Variants in FER1L6 observed in about 807,000 individuals in gnomAD.
The protein encoded by FER1L6 is fer-1-like protein 6.
In FER1L6, 177 loss-of-function variants were observed where a neutral mutation model predicts 219.2. That is an observed-to-expected ratio of 0.81 (90% CI 0.71 to 0.91). FER1L6 has a LOEUF of 0.91. FER1L6 is among the 40% of genes least tolerant of loss of function. The probability of loss-of-function intolerance (pLI) is 0.00; values close to 1 mark genes in which losing one functional copy is unlikely to be tolerated. For missense variants in FER1L6, 2,153 were observed against 2,259.9 expected, an observed-to-expected ratio of 0.95 and a Z score of 0.96; for synonymous variants, 768 against 824.3, an observed-to-expected ratio of 0.93 and a Z score of 1.17.
In FER1L6 at chr8:124,064,381, T is replaced by C. The variant is rs755295524; in HGVS notation, c.3363T>C (p.Ser1121=). ...ATTCGCTAACAGCCACTGAGTCCTC[T>C]GGAGCCCACAGCTCCTCCCAGGATC... ...ISDSLTATES[S]GAHSSSQDPP... The change falls in exon 26 of 41, where the codon TCT becomes TCC. Residue 1121 remains serine, a synonymous_variant. Transcript: ENST00000522917. The C allele has an allele frequency of 1.9e-6, 3 of 1,612,994 alleles. No individual in the cohort carries two copies. In the East Asian group the frequency reaches 6.7e-5, roughly 36 times the overall value.
intron 1 of FER1L6, among the ~76,000 whole-genome samples, chr8:123,854,609 G>C (rs1360994402): frequency 2.0e-5 from 3 of 152,216 alleles, no homozygotes; most frequent in Non-Finnish European, 4.4e-5. Flanking sequence ...GGGGACCGAA[G>C]GGTATCTTCT....
At chr8:124,038,372 A>G (rs1381045641) in intron 19 of FER1L6, among the ~76,000 whole-genome samples, 1 of 152,184 alleles carries the variant, frequency 6.6e-6, no homozygotes, top group Non-Finnish European at 1.5e-5. Context: ...ACTGTCTCCT[A>G]TCTCACTAAG....
At chr8:124,004,205 TCTC>T (rs1305932081) in intron 13 of FER1L6, 1 of 150,508 alleles carries the variant, frequency 6.6e-6, no homozygotes, top group Non-Finnish European at 1.5e-5. Context: ...CTCTCACTGA[TCTC>T]CTTTAATCCA....
At chr8:124,069,544 C>A in intron 29 of FER1L6, 69 bp downstream of exon 29, 3 of 1,112,330 alleles carry the variant, frequency 2.7e-6, no homozygotes, top group South Asian at 2.9e-5. Context: ...TCTGTCAGTG[C>A]TTTGGTCAAC....
intron 13 of FER1L6, among the ~76,000 whole-genome samples, chr8:124,007,308 C>A (rs568165771): frequency 3.0e-4 from 45 of 152,064 alleles, no homozygotes; most frequent in Non-Finnish European, 5.1e-4. Flanking sequence ...CTCTCCCCCC[C>A]CTACCTTCTA....
At chr8:123,947,089 A>G (rs560476886) in intron 1 of FER1L6, among the ~76,000 whole-genome samples, 30 of 152,244 alleles carry the variant, frequency 2.0e-4, no homozygotes, top group African/African-American at 6.7e-4. Flanking sequence ...GATAGAGACC[A>G]TCCTGGCTAA....
chr8:123,933,214 T>C, intron 1 of FER1L6, among the ~76,000 whole-genome samples: 1 of 152,204 alleles, frequency 6.6e-6, no homozygotes, highest in East Asian at 1.9e-4. Flanking sequence ...CATTAATGGA[T>C]CCTGTAAATG....
chr8:124,106,856 G>A (rs543692042), intron 39 of FER1L6, among the ~76,000 whole-genome samples: 49 of 151,700 alleles, frequency 3.2e-4, no homozygotes, highest in Admixed American at 3.0e-3. Context: ...AATGTGGTAC[G>A]TAGCACATAA....
At chr8:123,906,540 C>T (rs7005131) in intron 1 of FER1L6, among the ~76,000 whole-genome samples, 28,687 of 152,050 alleles carry the variant, frequency 0.19, 3,612 homozygotes, top group East Asian at 0.43. Context: ...TGGCTCACAC[C>T]TGTAATCCCA....
chr8:124,086,250 T>TTTGA (rs905265000), intron 33 of FER1L6, among the ~76,000 whole-genome samples: 2 of 152,298 alleles, frequency 1.3e-5, no homozygotes, highest in East Asian at 1.9e-4. Context: ...AAATTTGTTT[T>TTTGA]TTGATTGTTT....
At chr8:124,014,757 T>TA (rs1187441236) in intron 15 of FER1L6, among the ~76,000 whole-genome samples, 1 of 152,142 alleles carries the variant, frequency 6.6e-6, no homozygotes, top group Admixed American at 6.5e-5. Flanking sequence ...TAAAAAAAGA[T>TA]AAAAAATAGG....
intron 14 of FER1L6, among the ~76,000 whole-genome samples, chr8:124,011,133 C>T (rs1817901267): frequency 6.6e-6 from 1 of 152,168 alleles, no homozygotes; most frequent in Admixed American, 6.5e-5. Context: ...TTCCTAAGTT[C>T]TTCCTCCCTT....
At chr8:123,911,416 G>C (rs1454473301) in intron 1 of FER1L6, among the ~76,000 whole-genome samples, 2 of 152,194 alleles carry the variant, frequency 1.3e-5, no homozygotes, top group Non-Finnish European at 2.9e-5. Context: ...CCCAGGCAGT[G>C]TCATGCTTCA....
rs578104202 is a variant in FER1L6 at position 123,900,700 on chromosome 8, T to A, written c.-8+48515T>A. Reference sequence around the variant, plus strand: ...CTTGTATGCCGATTTTGCTGAGAGTTTTAATCATAAAGTGGTACTGGATTT... The same window carrying A: ...CTTGTATGCCGATTTTGCTGAGAGTATTAATCATAAAGTGGTACTGGATTT... On this transcript the variant is annotated intron_variant, in intron 1 of 40. Transcript: ENST00000522917. Among the ~76,000 whole-genome samples, 65 of 152,348 alleles carry A rather than the reference T, an allele frequency of 4.3e-4. No homozygotes were observed. In the South Asian group the frequency reaches 0.013, roughly 31 times the overall value.
At chr8:124,013,663 G>A (rs921582140) in intron 15 of FER1L6, 132 bp downstream of exon 15, 7 of 466,628 alleles carry the variant, frequency 1.5e-5, no homozygotes, top group Non-Finnish European at 2.3e-5. Context: ...TCTTAATTTT[G>A]TTCAGTAATT....
intron 1 of FER1L6, among the ~76,000 whole-genome samples, chr8:123,943,499 A>G (rs975885154): frequency 6.6e-6 from 1 of 152,134 alleles, no homozygotes; most frequent in Non-Finnish European, 1.5e-5. Context: ...ACACACACAG[A>G]AAGGACATTC....
chr8:123,871,249 G>A (rs1268230136), intron 1 of FER1L6, among the ~76,000 whole-genome samples: 2 of 152,078 alleles, frequency 1.3e-5, no homozygotes, highest in Non-Finnish European at 2.9e-5. Context: ...ATATTTGCTT[G>A]TGCTGCCAGC....
chr8:124,027,696 T>G (rs1818772436), intron 18 of FER1L6, among the ~76,000 whole-genome samples: 1 of 152,118 alleles, frequency 6.6e-6, no homozygotes, highest in Non-Finnish European at 1.5e-5. Context: ...AATAGCTAGG[T>G]CGACAGGCAT....
In FER1L6 at chr8:123,885,204, A is replaced by G. The variant is rs528063927; in HGVS notation, c.-8+33019A>G. ...GGACTTCCAGCATCCGGAACTGTGAAGGAATCAATTTCTGTTGGTTTAGGC... is the reference window on the plus strand; with the variant it reads ...GGACTTCCAGCATCCGGAACTGTGAGGGAATCAATTTCTGTTGGTTTAGGC... On this transcript the variant is annotated intron_variant, in intron 1 of 40. Coordinates refer to ENST00000522917, the MANE Select transcript of FER1L6 (RefSeq NM_001039112.2). Among the ~76,000 whole-genome samples, 11 of 152,308 alleles carry G rather than the reference A, an allele frequency of 7.2e-5. No homozygotes were observed. The South Asian group carries it at 1.2e-3, about 17-fold the overall frequency.
Sources: allele counts gnomAD v4.1 joint callset (sites outside exome capture counted in the v4.1 genomes callset), GRCh38; gene constraint gnomAD v4.1.1; transcripts MANE v1.5; gene names NCBI Gene and HGNC (gene_info 2026-07-23, HGNC 2026-07-21).